The following ARHGEF2 variants were observed in gnomAD, a reference collection of about 807,000 sequenced individuals.
ARHGEF2 encodes the protein rho guanine nucleotide exchange factor 2.
A neutral mutation model predicts 121.0 loss-of-function variants in ARHGEF2; 22 were observed. The observed-to-expected ratio is 0.18, with a 90% confidence interval of 0.13 to 0.26. The LOEUF (loss-of-function observed/expected upper bound fraction) is 0.26. Ranked by LOEUF, ARHGEF2 falls within the 10% of genes least tolerant of loss-of-function variation. The pLI, the probability that ARHGEF2 is intolerant of heterozygous loss-of-function variation, is 1.00. For synonymous variants in ARHGEF2, 487 were observed against 530.0 expected (o/e 0.92, Z 1.11); for missense variants, 907 against 1,336.0 (o/e 0.68, Z 5.01).
At chr1:155,957,098 T>C (rs1676852618) in intron 13 of ARHGEF2, among the ~76,000 whole-genome samples, 1 of 152,050 alleles carries the variant, frequency 6.6e-6, no homozygotes, top group Non-Finnish European at 1.5e-5. Flanking sequence ...TTACACTTCA[T>C]TCTTTAGGCA....
intron 1 of ARHGEF2, among the ~76,000 whole-genome samples, chr1:155,973,008 G>A (rs1180807025): frequency 6.6e-6 from 1 of 152,008 alleles, no homozygotes; most frequent in Non-Finnish European, 1.5e-5. Context: ...CTCAGACCTA[G>A]AGTCATTCTG....
chr1:155,951,270 T>G lies in ARHGEF2; in HGVS notation c.2262A>C (p.Ala754=), dbSNP rs961051712. 1.3e-6 allele frequency: 2 copies of G among 1,599,556 alleles called. No homozygotes were observed. The highest frequency in any genetic ancestry group is 1.7e-6 in the Non-Finnish European group (2 of 1,170,822). The change falls in exon 20 of 22, where the codon GCA becomes GCC. Residue 754 remains alanine (A), a splice_region_variant and synonymous_variant. Coordinates refer to ENST00000361247, the MANE Select transcript of ARHGEF2 (RefSeq NM_001162383.2). This position sits in a 1 kb window ranked among gnomAD's most constrained non-coding sequence, Gnocchi z 5.1. The part of the protein sequence containing the change: ...NLYGLLHGLQ[A]AVAQQDTLME... ...TCAGAGTGTCCTGCTGGGCCACAGCTGCCTGGGAGTAGAATGCAGGCAGAA... is the reference window on the plus strand; with the variant it reads ...TCAGAGTGTCCTGCTGGGCCACAGCGGCCTGGGAGTAGAATGCAGGCAGAA...
At chr1:155,963,504 C>A (rs1678406172) in intron 7 of ARHGEF2, among the ~76,000 whole-genome samples, 2 of 151,342 alleles carry the variant, frequency 1.3e-5, no homozygotes, top group Admixed American at 6.6e-5. Context: ...CACCACCAGG[C>A]CCGGCTAATT....
intron 1 of ARHGEF2, among the ~76,000 whole-genome samples, chr1:155,971,303 T>C (rs1186644185): frequency 2.0e-5 from 3 of 152,026 alleles, no homozygotes; most frequent in Non-Finnish European, 2.9e-5. Flanking sequence ...TCAGGCTGGG[T>C]GCAGTGGCTC....
chr1:155,978,137 C>G lies in ARHGEF2; in HGVS notation c.63+228G>C. On this transcript the variant is annotated intron_variant, in intron 1 of 21. Transcript: ENST00000361247. The surrounding 1 kb of genome is among the most constrained non-coding windows in gnomAD (Gnocchi z 4.1). ...GCTTGGAGGCGACCAAGCCCAGGTC[C>G]GCTCCGCTCCCTCCCGGGATCCCAG... 7.8e-7 allele frequency: 1 copy of G among 1,277,326 alleles called. No homozygotes were observed. Among genetic ancestry groups the G allele is most frequent in the Non-Finnish European group, 9.9e-7 (1 of 1,005,880 alleles). 79.1% of individuals were successfully genotyped at this position (1,277,326 alleles called of 1,614,324 possible).
intron 11 of ARHGEF2, among the ~76,000 whole-genome samples, chr1:155,959,349 AG>A (rs1677412800): frequency 1.3e-5 from 2 of 151,896 alleles, no homozygotes; most frequent in African/African-American, 4.8e-5. Context: ...CCCAGGAAAA[AG>A]CGATTCTCCT....
chr1:155,952,707 G>T lies in ARHGEF2; in HGVS notation c.1905C>A (p.Thr635=), dbSNP rs1421967536. ...EDGGSGMALP[T]LPRGLFRSES... ...CAGAGCGGAAAAGGCCCCTGGGCAG[G>T]GTGGGCAGGGCCATCCCACTGCCAC... is the stretch of plus-strand genomic sequence containing the variant. Residue 635 remains threonine, a synonymous_variant, in exon 15 of 22, where the codon ACC becomes ACA. Coordinates refer to ENST00000361247, the MANE Select transcript of ARHGEF2 (RefSeq NM_001162383.2). 2 of 1,614,078 alleles carry T rather than the reference G, an allele frequency of 1.2e-6. No individual in the cohort carries two copies. The highest frequency in any genetic ancestry group is 1.3e-5 in the African/African-American group (1 of 74,942).
rs987063377 is a variant in ARHGEF2, at chr1:155,962,434, C to T, written c.1101+159G>A. 3 of 1,170,668 alleles carry T rather than the reference C, an allele frequency of 2.6e-6. No homozygotes were observed. In the African/African-American group the frequency reaches 4.6e-5, roughly 18 times the overall value. The allele number at this position is 1,170,668 out of a possible 1,614,324, so 72.5% of individuals were successfully genotyped here. On this transcript the variant is annotated intron_variant, in intron 9 of 21. Coordinates refer to ENST00000361247, the MANE Select transcript of ARHGEF2 (RefSeq NM_001162383.2). The surrounding 1 kb of genome is among the most constrained non-coding windows in gnomAD (Gnocchi z 5.8). ...GGGAAACTACCACAACGTGCTCTAG[C>T]ATTCTGAGGGGTTACTGCTGACAGG...
intron 1 of ARHGEF2, chr1:155,970,538 G>T: frequency 6.1e-6 from 6 of 985,468 alleles, no homozygotes; most frequent in Non-Finnish European, 7.2e-6. Context: ...CAAAAATCAG[G>T]ATCCAGATGG....
At chr1:155,974,310 A>G (rs1680960727) in intron 1 of ARHGEF2, among the ~76,000 whole-genome samples, 1 of 152,100 alleles carries the variant, frequency 6.6e-6, no homozygotes, top group African/African-American at 2.4e-5. Flanking sequence ...CAAGATGGTG[A>G]CACCTCTGTC....
intron 13 of ARHGEF2, 77 bp downstream of exon 13, chr1:155,957,636 G>A (rs1169994653): frequency 1.4e-6 from 2 of 1,469,562 alleles, no homozygotes; most frequent in Non-Finnish European, 1.8e-6. Flanking sequence ...CTGTTCCCAG[G>A]GAGTTCTATG....
In ARHGEF2 at chr1:155,965,666, A is replaced by T. The variant is rs1679228483; in HGVS notation, c.435T>A (p.Ser145=). The change falls in exon 5 of 22, where the codon TCT becomes TCA. Residue 145 remains serine (S), a synonymous_variant. Transcript: ENST00000361247. This position sits in a 1 kb window ranked among gnomAD's most constrained non-coding sequence, Gnocchi z 6.0. ...TGGTGGTAGAAACACTCTTGGCTAA[A>T]GACAAGGAGGAGCGGCCACGGCGGG... ...LGSRRGRSSL[S]LAKSVSTTNI... is the part of the protein sequence containing the mutation. 1.1e-5 allele frequency: 18 copies of T among 1,611,480 alleles called. No homozygotes were observed. The highest frequency in any genetic ancestry group is 1.6e-4 in the Middle Eastern group (1 of 6,078).
At position 155,965,577 on chromosome 1, in the gene ARHGEF2, T is replaced by C. The variant is rs1156936563; in HGVS notation, c.470+54A>G. Reference sequence around the variant, plus strand: ...TGGAAAGGGACCTCTCAGCACCCCCTTGGCCTCCACTGCCACACTCTCTGG... The same window carrying C: ...TGGAAAGGGACCTCTCAGCACCCCCCTGGCCTCCACTGCCACACTCTCTGG... On this transcript the variant is annotated intron_variant, in intron 5 of 21. Transcript: ENST00000361247. The surrounding 1 kb of genome is among the most constrained non-coding windows in gnomAD (Gnocchi z 6.0). The C allele has an allele frequency of 3.7e-6, 6 of 1,610,944 alleles. No individual in the cohort carries two copies. The highest frequency in any genetic ancestry group is 5.1e-6 in the Non-Finnish European group (6 of 1,179,448).
In ARHGEF2 at chr1:155,952,603, G is replaced by A. The variant is rs753113549; in HGVS notation, c.1984+25C>T. On this transcript the variant is annotated intron_variant, in intron 15 of 21. Transcript: ENST00000361247. ...CTGTGACGGTGAGTGCTTGAGCCTG[G>A]ACTCTTCCCTGGGAGCTCCCTCACC... 6 of 1,596,370 alleles carry A rather than the reference G, an allele frequency of 3.8e-6. No homozygotes were observed. In the African/African-American group the frequency reaches 8.0e-5, roughly 21 times the overall value.
Position 155,962,174 on chromosome 1 carries a change from T to C in ARHGEF2, c.1150A>G (p.Ile384Val), listed in dbSNP as rs753014532. Residue 384 changes from isoleucine (I) to valine (V), a missense_variant, in exon 10 of 22, where the codon ATC (isoleucine) becomes GTC (valine). Physicochemically the swap from Ile to Val is conservative, Grantham distance 29. Coordinates refer to ENST00000361247, the MANE Select transcript of ARHGEF2 (RefSeq NM_001162383.2). This position sits in a 1 kb window ranked among gnomAD's most constrained non-coding sequence, Gnocchi z 5.8. ...VLKRHGVQEC[I>V]LLVTQRITKY... The stretch of plus-strand genomic sequence containing the variant: ...GTGATGCGCTGAGTCACCAGCAGGA[T>C]GCACTCCTGTACCCCGTGCCGCTTG... 1 of 1,614,150 alleles carries C rather than the reference T, an allele frequency of 6.2e-7. No individual in the cohort carries two copies. Among genetic ancestry groups the C allele is most frequent in the Non-Finnish European group, 8.5e-7 (1 of 1,180,028 alleles).
At chr1:155,952,356 G>A in intron 15 of ARHGEF2, 121 bp from the exon 16 acceptor site, 1 of 1,410,570 alleles carries the variant, frequency 7.1e-7, no homozygotes, top group Non-Finnish European at 9.6e-7. Flanking sequence ...CTGGCAGTGG[G>A]GTTTCACTCA....
In ARHGEF2 at chr1:155,978,520, T is replaced by G; in HGVS notation, c.-93A>C. 2.3e-6 allele frequency: 3 copies of G among 1,304,406 alleles called. No individual in the cohort carries two copies. Among genetic ancestry groups the G allele is most frequent in the Non-Finnish European group, 3.0e-6 (3 of 1,015,264 alleles). The allele number at this position is 1,304,406 out of a possible 1,614,324, so 80.8% of individuals were successfully genotyped here. On this transcript the variant is annotated 5_prime_UTR_variant, in exon 1 of 22. Transcript: ENST00000361247. This position sits in a 1 kb window ranked among gnomAD's most constrained non-coding sequence, Gnocchi z 4.1. ...GGGGGAGGGGTTCGGCCCGCACGCG[T>G]TGGTCTCGGGGACAGGAAGTCTGAC...
At chr1:155,954,222 C>T (rs1419809581) in intron 14 of ARHGEF2, among the ~76,000 whole-genome samples, 1 of 150,920 alleles carries the variant, frequency 6.6e-6, no homozygotes, top group African/African-American at 2.4e-5. Flanking sequence ...AGAGATCCTC[C>T]TGTCTCCCAA....
Position 155,951,667 on chromosome 1 carries a change from C to G in ARHGEF2, c.2208+74G>C. The G allele has an allele frequency of 6.2e-7, 1 of 1,610,850 alleles. No individual in the cohort carries two copies. Among genetic ancestry groups the G allele is most frequent in the Non-Finnish European group, 8.5e-7 (1 of 1,177,162 alleles). On this transcript the variant is annotated intron_variant, in intron 18 of 21. Coordinates refer to ENST00000361247, the MANE Select transcript of ARHGEF2 (RefSeq NM_001162383.2). This position sits in a 1 kb window ranked among gnomAD's most constrained non-coding sequence, Gnocchi z 5.1. ...ATGTAGACGCTTTCCCCACCCCACT[C>G]CAAACTGGGCTCTAACTACTCAGAC... is the stretch of plus-strand genomic sequence containing the variant.
Sources: allele counts gnomAD v4.1 joint callset (sites outside exome capture counted in the v4.1 genomes callset), GRCh38; gene constraint gnomAD v4.1.1; non-coding constraint Gnocchi (gnomAD v3.1); transcripts MANE v1.5; gene names NCBI Gene and HGNC (gene_info 2026-07-23, HGNC 2026-07-21).